The following ABCA6 variants were observed in gnomAD, a reference collection of about 807,000 sequenced individuals.
ABCA6 encodes the protein ATP-binding cassette sub-family A member 6.
ABCA6 carries 164 observed loss-of-function variants against 191.2 expected under a neutral mutation model. The observed-to-expected ratio is 0.86, with a 90% confidence interval of 0.76 to 0.98. ABCA6 has a LOEUF of 0.98. Among genes scored for constraint, ABCA6 ranks in the 50% least tolerant of loss-of-function variants. The pLI is 0.00. For synonymous variants in ABCA6, 636 were observed against 647.7 expected (o/e 0.98, Z 0.27); for missense variants, 1,958 against 1,894.1 (o/e 1.03, Z -0.63).
chr17:69,121,829 T>G (rs1486523255), intron 10 of ABCA6, among the ~76,000 whole-genome samples: 6 of 151,984 alleles, frequency 3.9e-5, no homozygotes, highest in Non-Finnish European at 8.8e-5. Flanking sequence ...GGAACTGAGT[T>G]TTATGGAATT....
chr17:69,109,650 A>G (rs972588041), intron 17 of ABCA6: 1 of 152,168 alleles, frequency 6.6e-6, no homozygotes, highest in African/African-American at 2.4e-5. Context: ...TGCCCTTGTA[A>G]GCAGTGTGAT....
intron 25 of ABCA6, among the ~76,000 whole-genome samples, chr17:69,091,863 G>A (rs2072931397): frequency 6.6e-6 from 1 of 152,246 alleles, no homozygotes; most frequent in African/African-American, 2.4e-5. Context: ...TTTAATCCAA[G>A]ACAAGAGGAT....
At position 69,106,216 on chromosome 17, in the gene ABCA6, A is replaced by G. The variant is rs1278744070; in HGVS notation, c.2390-5T>C. The G allele has an allele frequency of 6.2e-7, 1 of 1,609,450 alleles. No individual in the cohort carries two copies. Among genetic ancestry groups the G allele is most frequent in the African/African-American group, 1.3e-5 (1 of 74,532 alleles). ...TCATCTCCACTTGTTCGAAATCTAT[A>G]AACACACACATACACAAACACACAT... On this transcript the variant is annotated splice_region_variant and splice_polypyrimidine_tract_variant and intron_variant, in intron 18 of 38. Coordinates refer to ENST00000284425, the MANE Select transcript of ABCA6 (RefSeq NM_080284.3).
intron 11 of ABCA6, 59 bp downstream of exon 11, chr17:69,117,839 C>A: frequency 7.8e-7 from 1 of 1,276,580 alleles, no homozygotes; most frequent in Admixed American, 2.1e-5. Context: ...TTGAATGTTT[C>A]CCTTTTTTAT....
chr17:69,082,636 C>T (rs1240150472), intron 36 of ABCA6, among the ~76,000 whole-genome samples: 2 of 152,186 alleles, frequency 1.3e-5, no homozygotes, highest in African/African-American at 4.8e-5. Flanking sequence ...AAGTACCCCT[C>T]TGGAGCTGGG....
Position 69,091,156 on chromosome 17 carries a change from G to C in ABCA6, c.3515C>G (p.Thr1172Ser), listed in dbSNP as rs1308522300. 6.2e-7 allele frequency: 1 copy of C among 1,608,432 alleles called. No individual in the cohort carries two copies. Among genetic ancestry groups the C allele is most frequent in the East Asian group, 2.2e-5 (1 of 44,688 alleles). ...AACATTTCTTACCACTTCCAAAAAA[G>C]TTTTAAATCCAAGCAAGGTATATGA... ...VPSYTLLGFK[T>S]FLEVRDQEHY... The change falls in exon 26 of 39, where the codon ACT becomes AGT. Residue 1172 changes from threonine to serine, a missense_variant. Thr to Ser is a moderately conservative substitution (Grantham distance 58, BLOSUM62 1). Coordinates refer to ENST00000284425, the MANE Select transcript of ABCA6 (RefSeq NM_080284.3).
chr17:69,086,124 A>C (rs907177479), intron 30 of ABCA6, among the ~76,000 whole-genome samples: 3 of 152,182 alleles, frequency 2.0e-5, no homozygotes, highest in African/African-American at 7.2e-5. Context: ...CTGATATAAA[A>C]GCCTCTGAAC....
intron 20 of ABCA6, among the ~76,000 whole-genome samples, chr17:69,103,565 C>T (rs1488409264): frequency 2.0e-5 from 3 of 152,066 alleles, no homozygotes; most frequent in Admixed American, 1.3e-4. Flanking sequence ...AACGTCTGAC[C>T]GTGAAATACG....
chr17:69,129,554 G>A, intron 7 of ABCA6, 56 bp downstream of exon 7: 6 of 1,445,154 alleles, frequency 4.2e-6, no homozygotes, highest in Non-Finnish European at 5.7e-6. Context: ...ATTAATATTA[G>A]CTACATATAG....
Position 69,136,100 on chromosome 17 carries a change from T to C in ABCA6, c.452A>G (p.Asp151Gly). The C allele has an allele frequency of 6.2e-7, 1 of 1,609,890 alleles. No individual in the cohort carries two copies. Among genetic ancestry groups the C allele is most frequent in the Non-Finnish European group, 8.5e-7 (1 of 1,177,556 alleles). The change falls in exon 4 of 39, where the codon GAT becomes GGT. Residue 151 changes from aspartate to glycine, a missense_variant. By Grantham distance (94) the Asp-to-Gly change is moderately conservative. Transcript: ENST00000284425. ...QGYNSPLWKE[D>G]FSAHCWDGYG... is the part of the protein sequence containing the mutation. ...TTGATATGGAAAGTCACCTGAGAAA[T>C]CTTCTTTCCAAAGTGGACTGTTATA...
rs1380326926 is a variant in ABCA6, at chr17:69,106,077, G to A, written c.2524C>T (p.Arg842Trp). 18 of 1,613,232 alleles carry A rather than the reference G, an allele frequency of 1.1e-5. No individual in the cohort carries two copies. In the Admixed American group the frequency reaches 1.5e-4, roughly 13 times the overall value. Reference sequence around the variant, plus strand: ...CGTTTTAACTTTAAGAAACGGAGCCGTGCCATGGCAAAGACTTGCATTCTC... The same window carrying A: ...CGTTTTAACTTTAAGAAACGGAGCCATGCCATGGCAAAGACTTGCATTCTC... Reference protein sequence around the residue: ...LWRMQVFAMARLRFLKLKRQT... With the variant: ...LWRMQVFAMAWLRFLKLKRQT... The change falls in exon 19 of 39, where the codon CGG becomes TGG. Residue 842 changes from arginine to tryptophan, a missense_variant. Arg to Trp is a moderately radical substitution (Grantham distance 101). Coordinates refer to ENST00000284425, the MANE Select transcript of ABCA6 (RefSeq NM_080284.3).
chr17:69,095,750 G>A (rs531147595), intron 25 of ABCA6, among the ~76,000 whole-genome samples: 1 of 152,272 alleles, frequency 6.6e-6, no homozygotes, highest in South Asian at 2.1e-4. Flanking sequence ...AGGGCACTCT[G>A]GTGTCTCTAG....
intron 2 of ABCA6, among the ~76,000 whole-genome samples, chr17:69,138,656 G>T (rs574385084): frequency 6.6e-6 from 1 of 151,322 alleles, no homozygotes; most frequent in Non-Finnish European, 1.5e-5. Flanking sequence ...TAAGCCAAAA[G>T]AACAAAGCTG....
Position 69,110,799 on chromosome 17 carries a change from A to C in ABCA6, c.2272+2T>G, listed in dbSNP as rs1174064249. The C allele has an allele frequency of 1.9e-6, 3 of 1,601,320 alleles. No homozygotes were observed. Among genetic ancestry groups the C allele is most frequent in the Non-Finnish European group, 2.6e-6 (3 of 1,175,168 alleles). On this transcript the variant is annotated splice_donor_variant, in intron 17 of 38. Coordinates refer to ENST00000284425, the MANE Select transcript of ABCA6 (RefSeq NM_080284.3). LOFTEE classifies it high-confidence loss of function. The stretch of plus-strand genomic sequence containing the variant: ...ATTTCATTGTAATCATAGTTGAGTT[A>C]CCTGGAAATGTATTTGTCCTTTCCA...
intron 2 of ABCA6, among the ~76,000 whole-genome samples, chr17:69,138,933 AC>A (rs1249335833): frequency 2.0e-5 from 3 of 152,150 alleles, no homozygotes; most frequent in African/African-American, 7.2e-5. Flanking sequence ...TACACCTTAT[AC>A]AAAAATTAAT....
chr17:69,133,942 A>G (rs1313620480), intron 5 of ABCA6, 75 bp from the exon 6 acceptor site: 3 of 1,045,686 alleles, frequency 2.9e-6, no homozygotes, highest in Admixed American at 2.8e-5. Flanking sequence ...AGCTCTGTGT[A>G]TTTTACTTAT....
At chr17:69,117,076 T>G (rs2073551207) in intron 11 of ABCA6, among the ~76,000 whole-genome samples, 1 of 152,058 alleles carries the variant, frequency 6.6e-6, no homozygotes, top group African/African-American at 2.4e-5. Context: ...TAGATGGTAT[T>G]TGATGAGAGA....
intron 10 of ABCA6, among the ~76,000 whole-genome samples, chr17:69,122,228 G>A (rs1020777773): frequency 3.9e-5 from 6 of 152,000 alleles, no homozygotes; most frequent in Non-Finnish European, 5.9e-5. Flanking sequence ...TACCTACCTC[G>A]TAAGCTTTTT....
intron 1 of ABCA6, 124 bp from the exon 2 acceptor site, chr17:69,140,872 T>G (rs1165986629): frequency 2.5e-6 from 1 of 399,340 alleles, no homozygotes; most frequent in Admixed American, 4.5e-5. Flanking sequence ...CTGTAAAATT[T>G]CACCTCAAAT....
Sources: gnomAD v4.1 joint callset for allele counts (sites outside exome capture counted in the v4.1 genomes callset) on GRCh38, gnomAD v4.1.1 for gene constraint, MANE v1.5 for transcripts, NCBI Gene and HGNC (gene_info 2026-07-23, HGNC 2026-07-21) for gene names.